SLCO3A1: variants seen among roughly 807,000 people sequenced by gnomAD.
The protein encoded by SLCO3A1 is PGE1 transporter.
In SLCO3A1, 27 loss-of-function variants were observed where a neutral mutation model predicts 63.1. That is an observed-to-expected ratio of 0.43 (90% CI 0.32 to 0.59). The LOEUF is 0.59. Ranked by LOEUF, SLCO3A1 falls within the 20% of genes least tolerant of loss-of-function variation. The pLI, the probability that SLCO3A1 is intolerant of heterozygous loss-of-function variation, is 0.09. For missense variants in SLCO3A1, 773 were observed against 945.8 expected, an observed-to-expected ratio of 0.82 and a Z score of 2.40; for synonymous variants, 473 against 409.9, an observed-to-expected ratio of 1.15 and a Z score of -1.86.
In SLCO3A1 at chr15:92,165,412, A is replaced by C; in HGVS notation, c.*2277A>C. On this transcript the variant is annotated 3_prime_UTR_variant, in exon 10 of 10. Transcript: ENST00000318445. ...TTTGCAAATATATTGCTAATAGGTCACTCTTATAGATTATTGCTTGGCCCT... is the reference window on the plus strand; with the variant it reads ...TTTGCAAATATATTGCTAATAGGTCCCTCTTATAGATTATTGCTTGGCCCT... The C allele has an allele frequency of 2.0e-6, 2 of 985,104 alleles. No homozygotes were observed. Among genetic ancestry groups the C allele is most frequent in the Non-Finnish European group, 2.4e-6 (2 of 829,832 alleles). The allele number at this position is 985,104 out of a possible 1,614,324, so 61.0% of individuals were successfully genotyped here.
At chr15:92,042,893 G>T (rs530214727) in intron 2 of SLCO3A1, among the ~76,000 whole-genome samples, 2 of 152,220 alleles carry the variant, frequency 1.3e-5, no homozygotes, top group Admixed American at 6.5e-5. Flanking sequence ...TAGGCCATAG[G>T]AAGTCATCAG....
chr15:92,109,856 G>A (rs1032837191), intron 4 of SLCO3A1, among the ~76,000 whole-genome samples: 2 of 152,092 alleles, frequency 1.3e-5, no homozygotes, highest in African/African-American at 4.8e-5. Context: ...AGGACACCAA[G>A]GCTGGCAGGC....
At chr15:92,139,524 T>C (rs2048101313) in intron 7 of SLCO3A1, among the ~76,000 whole-genome samples, 1 of 151,988 alleles carries the variant, frequency 6.6e-6, no homozygotes, top group East Asian at 1.9e-4. Flanking sequence ...TCTTTTTCTA[T>C]TGATTGGAAT....
chr15:92,086,351 C>A (rs1472773086), intron 2 of SLCO3A1, among the ~76,000 whole-genome samples: 1 of 152,118 alleles, frequency 6.6e-6, no homozygotes, highest in Non-Finnish European at 1.5e-5. Flanking sequence ...ATTTATAATT[C>A]TCTGAATTCT....
intron 2 of SLCO3A1, among the ~76,000 whole-genome samples, chr15:91,943,191 GT>G: frequency 6.6e-6 from 1 of 152,282 alleles, no homozygotes; most frequent in African/African-American, 2.4e-5. Flanking sequence ...TCTCCAGAAT[GT>G]TTCGTGTTGC....
Position 92,033,070 on chromosome 15 carries a change from A to G in SLCO3A1, c.647-61811A>G, listed in dbSNP as rs1209883856. Among the ~76,000 whole-genome samples, 1 of 152,222 alleles carries G rather than the reference A, an allele frequency of 6.6e-6. No homozygotes were observed. Among genetic ancestry groups the G allele is most frequent in the Non-Finnish European group, 1.5e-5 (1 of 68,044 alleles). ...GAGCATGGATCAGAGCAAGGTATGT[A>G]CAGGAAACTTTGTGATGCTATCTTA... On this transcript the variant is annotated intron_variant, in intron 2 of 9. Coordinates refer to ENST00000318445, the MANE Select transcript of SLCO3A1 (RefSeq NM_013272.4). This position sits in a 1 kb window ranked among gnomAD's most constrained non-coding sequence, Gnocchi z 4.5.
chr15:92,116,808 CTG>C (rs1385079438), intron 4 of SLCO3A1, among the ~76,000 whole-genome samples: 1 of 152,034 alleles, frequency 6.6e-6, no homozygotes, highest in Non-Finnish European at 1.5e-5. Context: ...TGCAATAAAA[CTG>C]GGGATGGGAG....
intron 2 of SLCO3A1, among the ~76,000 whole-genome samples, chr15:91,949,631 C>G (rs557641114): frequency 4.6e-5 from 7 of 151,796 alleles, no homozygotes; most frequent in Non-Finnish European, 8.8e-5. Flanking sequence ...CTCTGTCCCC[C>G]CAAAAGAAGA....
At chr15:92,024,965 TCATC>T (rs1166218847) in intron 2 of SLCO3A1, among the ~76,000 whole-genome samples, 2 of 152,064 alleles carry the variant, frequency 1.3e-5, no homozygotes, top group South Asian at 2.1e-4. Flanking sequence ...GTTCATCCAT[TCATC>T]CATCCATCCA....
At chr15:92,003,351 G>C (rs956560448) in intron 2 of SLCO3A1, among the ~76,000 whole-genome samples, 4 of 152,168 alleles carry the variant, frequency 2.6e-5, no homozygotes, top group Admixed American at 2.6e-4. Flanking sequence ...AGTGGTTAGT[G>C]CTAACAAATG....
intron 2 of SLCO3A1, among the ~76,000 whole-genome samples, chr15:92,028,133 G>A (rs532375909): frequency 2.0e-5 from 3 of 152,322 alleles, no homozygotes; most frequent in South Asian, 4.1e-4. Flanking sequence ...AAAGACCAGA[G>A]TCTCTTGTGG....
chr15:92,139,767 G>A (rs577626833), intron 7 of SLCO3A1, among the ~76,000 whole-genome samples: 1 of 151,774 alleles, frequency 6.6e-6, no homozygotes, highest in Admixed American at 6.6e-5. Context: ...TTTGCACAGA[G>A]GTGTTTGTAG....
chr15:92,047,064 TATATACAA>T (rs1253421581), intron 2 of SLCO3A1, among the ~76,000 whole-genome samples: 6 of 38,944 alleles, frequency 1.5e-4, no homozygotes, highest in Admixed American at 8.0e-4. Context: ...TATATAAATA[TATATACAA>T]ATATATATAA....
At chr15:91,977,176 C>T (rs1031165474) in intron 2 of SLCO3A1, among the ~76,000 whole-genome samples, 1 of 152,150 alleles carries the variant, frequency 6.6e-6, no homozygotes, top group Non-Finnish European at 1.5e-5. Context: ...TGTGCAAAAA[C>T]GTACTGCCTG....
chr15:92,087,856 G>A (rs2047425504), intron 2 of SLCO3A1, among the ~76,000 whole-genome samples: 1 of 152,140 alleles, frequency 6.6e-6, no homozygotes, highest in Admixed American at 6.5e-5. Flanking sequence ...TAGTATTAAA[G>A]TTGAATAATT....
intron 4 of SLCO3A1, among the ~76,000 whole-genome samples, chr15:92,113,485 C>T (rs923795368): frequency 1.3e-5 from 2 of 152,170 alleles, no homozygotes; most frequent in African/African-American, 4.8e-5. Flanking sequence ...TTCACTCAAG[C>T]CACAAGGTGC....
At chr15:92,021,339 C>T (rs1262113056) in intron 2 of SLCO3A1, among the ~76,000 whole-genome samples, 1 of 152,200 alleles carries the variant, frequency 6.6e-6, no homozygotes, top group East Asian at 1.9e-4. Context: ...TTTATCAAAC[C>T]ATCTTTTAAC....
intron 2 of SLCO3A1, among the ~76,000 whole-genome samples, chr15:91,957,661 T>C (rs1900289098): frequency 6.6e-6 from 1 of 152,172 alleles, no homozygotes; most frequent in South Asian, 2.1e-4. Context: ...TACTACCTTA[T>C]CAGAAAGGCC....
chr15:91,860,865 CT>C lies in SLCO3A1; in HGVS notation c.180+6786del, dbSNP rs548944596. ...CTGTGGGCATTTCCCCACGCTTGGT[CT>C]TTTTTTTTGGTTTCTCATAAGCAGA... On this transcript the variant is annotated intron_variant, in intron 1 of 9. Transcript: ENST00000318445. The surrounding 1 kb of genome is among the most constrained non-coding windows in gnomAD (Gnocchi z 5.5). Among the ~76,000 whole-genome samples the C allele has an allele frequency of 2.8e-4, 42 of 151,584 alleles. No individual in the cohort carries two copies. In the South Asian group the frequency reaches 8.8e-3, roughly 32 times the overall value.
Sources: allele counts gnomAD v4.1 joint callset (sites outside exome capture counted in the v4.1 genomes callset), GRCh38; gene constraint gnomAD v4.1.1; non-coding constraint Gnocchi (gnomAD v3.1); transcripts MANE v1.5; gene names NCBI Gene and HGNC (gene_info 2026-07-23, HGNC 2026-07-21).